SLAIN1: variants seen among roughly 807,000 people sequenced by gnomAD.
SLAIN1 encodes SLAIN family member 1.
A neutral mutation model predicts 55.4 loss-of-function variants in SLAIN1; 17 were observed. The ratio of observed to expected loss-of-function variants is 0.31; its 90% CI spans 0.21 to 0.46. The LOEUF (loss-of-function observed/expected upper bound fraction) is 0.46, where lower values mean the gene tolerates loss of function less well. SLAIN1 is among the 20% of genes least tolerant of loss of function. The pLI, the probability that SLAIN1 is intolerant of heterozygous loss-of-function variation, is 1.00. For synonymous variants in SLAIN1, 348 were observed against 337.4 expected, an observed-to-expected ratio of 1.03 and a Z score of -0.35; for missense variants, 682 against 785.1, an observed-to-expected ratio of 0.87 and a Z score of 1.57.
intron 2 of SLAIN1, among the ~76,000 whole-genome samples, chr13:77,728,154 C>T (rs1226175178): frequency 1.3e-5 from 2 of 151,906 alleles, no homozygotes; most frequent in Non-Finnish European, 1.5e-5. Context: ...TCTAACTCGC[C>T]CATCTTTCTA....
At chr13:77,759,282 G>T (rs1874831104) in intron 5 of SLAIN1, among the ~76,000 whole-genome samples, 2 of 152,104 alleles carry the variant, frequency 1.3e-5, no homozygotes, top group African/African-American at 4.8e-5. Flanking sequence ...CATTGATTTT[G>T]TATCCTGAGA....
At chr13:77,757,706 T>C (rs866744669) in intron 5 of SLAIN1, among the ~76,000 whole-genome samples, 34 of 152,190 alleles carry the variant, frequency 2.2e-4, no homozygotes, top group Admixed American at 2.6e-4. Context: ...ACTCCTGAGT[T>C]ATTTCACTTA....
Position 77,698,902 on chromosome 13 carries a change from GT to G in SLAIN1, c.626+367del. ...GCTCAGTGCTGCTCTTTTCCCCAGT[GT>G]TTTCGGAGGGATGACGGGGGATGGT... On this transcript the variant is annotated intron_variant, in intron 1 of 6. Transcript: ENST00000418532. This position sits in a 1 kb window ranked among gnomAD's most constrained non-coding sequence, Gnocchi z 4.1. 6.5e-7 allele frequency: 1 copy of G among 1,533,038 alleles called. No homozygotes were observed. 95.0% of individuals were successfully genotyped at this position (1,533,038 alleles called of 1,614,324 possible).
intron 2 of SLAIN1, among the ~76,000 whole-genome samples, chr13:77,721,453 T>C (rs541488209): frequency 2.4e-4 from 36 of 152,208 alleles, no homozygotes; most frequent in Non-Finnish European, 4.9e-4. Context: ...AAGGGTTATA[T>C]AGACCATTCC....
intron 1 of SLAIN1, among the ~76,000 whole-genome samples, chr13:77,710,122 A>G (rs1370006932): frequency 6.6e-6 from 1 of 152,182 alleles, no homozygotes; most frequent in Non-Finnish European, 1.5e-5. Flanking sequence ...CACTGCAAAA[A>G]CATACCAAAT....
chr13:77,723,074 T>C (rs1344089665), intron 2 of SLAIN1, among the ~76,000 whole-genome samples: 1 of 152,138 alleles, frequency 6.6e-6, no homozygotes, highest in Non-Finnish European at 1.5e-5. Flanking sequence ...TCAGAATTAA[T>C]TGGAAAAAGA....
intron 1 of SLAIN1, among the ~76,000 whole-genome samples, chr13:77,707,529 G>C (rs974515857): frequency 6.6e-6 from 1 of 152,060 alleles, no homozygotes; most frequent in African/African-American, 2.4e-5. Flanking sequence ...TGGTGTCACT[G>C]GTTGTCTGTT....
At position 77,746,698 on chromosome 13, in the gene SLAIN1, C is replaced by T; in HGVS notation, c.1101C>T (p.Phe367=). 1 of 1,613,760 alleles carries T rather than the reference C, an allele frequency of 6.2e-7. No individual in the cohort carries two copies. The highest frequency in any genetic ancestry group is 2.2e-5 in the East Asian group (1 of 44,868). The change falls in exon 4 of 7, where the codon TTC becomes TTT. Residue 367 remains phenylalanine (F), a synonymous_variant. Coordinates refer to ENST00000418532, the MANE Select transcript of SLAIN1 (RefSeq NM_001242868.2). ...CTCGTCTTCCAAGATGTTCCCCTTT[C>T]CAAAGAGGAATTCCCCATTCACAGA... is the stretch of plus-strand genomic sequence containing the variant. The part of the protein sequence containing the change: ...PQPRLPRCSP[F]QRGIPHSQTF...
chr13:77,763,139 T>C lies in SLAIN1; in HGVS notation c.1698-6T>C, dbSNP rs1217000351. The C allele has an allele frequency of 6.2e-7, 1 of 1,612,864 alleles. No homozygotes were observed. Among genetic ancestry groups the C allele is most frequent in the Admixed American group, 1.7e-5 (1 of 59,984 alleles). ...CTCTCTCTCTGTTTTTCTTGTCTCT[T>C]TTTAGTTTTCTTCAGCCTCCAAAGC... On this transcript the variant is annotated splice_region_variant and splice_polypyrimidine_tract_variant and intron_variant, in intron 6 of 6. Coordinates refer to ENST00000418532, the MANE Select transcript of SLAIN1 (RefSeq NM_001242868.2).
intron 1 of SLAIN1, among the ~76,000 whole-genome samples, chr13:77,718,890 A>G (rs2091233883): frequency 6.6e-6 from 1 of 152,138 alleles, no homozygotes; most frequent in Non-Finnish European, 1.5e-5. Flanking sequence ...GTCATTTTGA[A>G]TACTATCCAT....
rs527763369 is a variant in SLAIN1, at chr13:77,760,532, TTTCTC to T, written c.1415-293_1415-289del. Among the ~76,000 whole-genome samples, 840 of 152,280 alleles carry T rather than the reference TTTCTC, an allele frequency of 5.5e-3. 2 individuals are homozygous for T. The highest frequency in any genetic ancestry group is 9.0e-3 in the Non-Finnish European group (609 of 68,024). ...TGTCTAGCAAGCAAACGGGGAAGAC[TTTCTC>T]TTGTGAGAACTCAGACATCATCACA... On this transcript the variant is annotated intron_variant, in intron 5 of 6. Coordinates refer to ENST00000418532, the MANE Select transcript of SLAIN1 (RefSeq NM_001242868.2).
At chr13:77,725,662 G>C (rs1471978175) in intron 2 of SLAIN1, among the ~76,000 whole-genome samples, 3 of 152,160 alleles carry the variant, frequency 2.0e-5, no homozygotes, top group Admixed American at 1.3e-4. Context: ...AATGTGGAGA[G>C]GGGCATAGCT....
At chr13:77,737,425 C>A (rs1423001080) in intron 2 of SLAIN1, among the ~76,000 whole-genome samples, 4 of 152,106 alleles carry the variant, frequency 2.6e-5, no homozygotes. Context: ...CTGATTATGT[C>A]TTTCACCTTC....
intron 2 of SLAIN1, chr13:77,743,093 T>C (rs1297614623): frequency 1.5e-6 from 2 of 1,303,662 alleles, no homozygotes; most frequent in East Asian, 1.1e-4. Flanking sequence ...ACTCAGCCCT[T>C]ATAGCAATGG....
intron 2 of SLAIN1, among the ~76,000 whole-genome samples, chr13:77,720,649 C>A (rs2091253209): frequency 6.6e-6 from 1 of 152,106 alleles, no homozygotes; most frequent in African/African-American, 2.4e-5. Context: ...CTGAACTCAT[C>A]TTTAGAGGTG....
chr13:77,750,047 A>G (rs950347851), intron 4 of SLAIN1, among the ~76,000 whole-genome samples: 1 of 152,190 alleles, frequency 6.6e-6, no homozygotes, highest in African/African-American at 2.4e-5. Flanking sequence ...GCAGATTATC[A>G]TATGATATTG....
rs79920593 is a variant in SLAIN1 at position 77,720,957 on chromosome 13, A to G, written c.766+1286A>G. ...GTTAGGGTTAAAACTTTGGTGATAG[A>G]TGCTCATCTAACAGAGCAGCCATCT... On this transcript the variant is annotated intron_variant, in intron 2 of 6. Coordinates refer to ENST00000418532, the MANE Select transcript of SLAIN1 (RefSeq NM_001242868.2). Among the ~76,000 whole-genome samples the G allele has an allele frequency of 4.2e-3, 642 of 152,194 alleles. 19 individuals are homozygous for G. The East Asian group carries it at 0.052, about 12-fold the overall frequency.
chr13:77,713,931 C>A (rs529473783), intron 1 of SLAIN1, among the ~76,000 whole-genome samples: 62 of 151,430 alleles, frequency 4.1e-4, no homozygotes, highest in South Asian at 1.9e-3. Flanking sequence ...AACAGAAAAC[C>A]AAACACTGCA....
Position 77,763,290 on chromosome 13 carries a change from G to GTTGTGTTACC in SLAIN1, c.*71_*72insTGTGTTACCT. ...AGGGTTGTGTTACCTAGCTGGCTGG[G>GTTGTGTTACC]TAGCAGTGGATGTTGGGATATTCTT... On this transcript the variant is annotated 3_prime_UTR_variant, in exon 7 of 7. Transcript: ENST00000418532. 1 of 1,212,574 alleles carries GTTGTGTTACC rather than the reference G, an allele frequency of 8.2e-7. No individual in the cohort carries two copies. 75.1% of individuals were successfully genotyped at this position (1,212,574 alleles called of 1,614,324 possible).
Sources: gnomAD v4.1 joint callset for allele counts (sites outside exome capture counted in the v4.1 genomes callset) on GRCh38, gnomAD v4.1.1 for gene constraint, Gnocchi (gnomAD v3.1) non-coding constraint, MANE v1.5 for transcripts, NCBI Gene and HGNC (gene_info 2026-07-23, HGNC 2026-07-21) for gene names.